CDH18: variants seen among roughly 807,000 people sequenced by gnomAD.
CDH18 encodes the protein cadherin 18.
In CDH18, 31 loss-of-function variants were observed where a neutral mutation model predicts 67.9. The ratio of observed to expected loss-of-function variants is 0.46; its 90% confidence interval spans 0.34 to 0.62. CDH18 has a LOEUF of 0.62. CDH18 is among the 20% of genes least tolerant of loss of function. The pLI, the probability that CDH18 is intolerant of heterozygous loss-of-function variation, is 0.01. For missense variants in CDH18, 890 were observed against 975.5 expected, an observed-to-expected ratio of 0.91 and a Z score of 1.17; for synonymous variants, 362 against 347.2, an observed-to-expected ratio of 1.04 and a Z score of -0.48.
At chr5:20,170,812 C>A (rs1736642413) in intron 2 of CDH18, among the ~76,000 whole-genome samples, 1 of 151,904 alleles carries the variant, frequency 6.6e-6, no homozygotes. Flanking sequence ...AGATACTAAG[C>A]CTTGTACCCA....
At chr5:19,514,372 C>G (rs1347496932) in intron 10 of CDH18, among the ~76,000 whole-genome samples, 2 of 152,064 alleles carry the variant, frequency 1.3e-5, no homozygotes, top group Non-Finnish European at 2.9e-5. Context: ...GTAATGGGAC[C>G]ACTGGGTCAA....
At chr5:19,695,236 T>C (rs1461040065) in intron 5 of CDH18, among the ~76,000 whole-genome samples, 2 of 152,358 alleles carry the variant, frequency 1.3e-5, no homozygotes, top group East Asian at 3.9e-4. Flanking sequence ...CTCATATTTT[T>C]TTCCACATTG....
chr5:20,295,872 C>CTTTTTTTTTT (rs35024141), intron 1 of CDH18, among the ~76,000 whole-genome samples: 70 of 109,974 alleles, frequency 6.4e-4, no homozygotes, highest in Middle Eastern at 6.9e-3. Context: ...TCTTTTTTTT[C>CTTTTTTTTTT]TTTTTTTTTT....
At chr5:20,368,561 T>A (rs1474208970) in intron 1 of CDH18, among the ~76,000 whole-genome samples, 2 of 152,178 alleles carry the variant, frequency 1.3e-5, no homozygotes, top group African/African-American at 4.8e-5. Flanking sequence ...GAGAGTGAAT[T>A]TATTTTAATG....
At chr5:19,914,602 C>T (rs1357242860) in intron 2 of CDH18, among the ~76,000 whole-genome samples, 3 of 151,892 alleles carry the variant, frequency 2.0e-5, no homozygotes, top group African/African-American at 7.3e-5. Context: ...CCACACACTA[C>T]TAAATTTTTG....
At chr5:19,643,239 T>C (rs1486712386) in intron 5 of CDH18, among the ~76,000 whole-genome samples, 2 of 152,088 alleles carry the variant, frequency 1.3e-5, no homozygotes, top group African/African-American at 4.8e-5. Context: ...TTGGTGGGAA[T>C]GTAAATTGGC....
At chr5:20,137,476 C>A (rs567561960) in intron 2 of CDH18, among the ~76,000 whole-genome samples, 1 of 152,122 alleles carries the variant, frequency 6.6e-6, no homozygotes, top group Non-Finnish European at 1.5e-5. Flanking sequence ...TCTAGTTAGC[C>A]ATTCATCTAA....
intron 1 of CDH18, among the ~76,000 whole-genome samples, chr5:20,276,361 T>C (rs530012142): frequency 3.9e-5 from 6 of 152,264 alleles, no homozygotes; most frequent in South Asian, 2.1e-4. Flanking sequence ...CATAGTTGGA[T>C]AGGGAACTGG....
chr5:20,112,801 A>T (rs1747591698), intron 2 of CDH18, among the ~76,000 whole-genome samples: 1 of 152,176 alleles, frequency 6.6e-6, no homozygotes. Flanking sequence ...TTACATCCAC[A>T]TTCATGCCTT....
At chr5:19,574,911 C>T (rs1441531866) in intron 7 of CDH18, among the ~76,000 whole-genome samples, 12 of 151,988 alleles carry the variant, frequency 7.9e-5, no homozygotes, top group African/African-American at 1.9e-4. Context: ...TGGTTGTGCA[C>T]GCCTGTAGTC....
At chr5:19,989,766 T>C (rs887860065), upstream of CDH18, among the ~76,000 whole-genome samples, 11 of 152,148 alleles carry the variant, frequency 7.2e-5, no homozygotes, top group Non-Finnish European at 8.8e-5. Context: ...TGTGGAAGGA[T>C]TTAATTTGAT....
intron 5 of CDH18, among the ~76,000 whole-genome samples, chr5:19,703,275 G>A (rs1303266854): frequency 2.6e-5 from 4 of 152,142 alleles, no homozygotes; most frequent in African/African-American, 9.7e-5. Flanking sequence ...TAAGCTGGAG[G>A]ACACCTGAGT....
chr5:20,504,872 G>T lies in CDH18; in HGVS notation c.-580+70590C>A, dbSNP rs1355881164. ...AGGCTCTGCCTCCCAGGTTCATGCC[G>T]TTCTCCTGCCTCAGCCTCCTGAGTA... On this transcript the variant is annotated intron_variant, in intron 1 of 14. Transcript: ENST00000507958. Among the ~76,000 whole-genome samples, 20 of 144,820 alleles carry T rather than the reference G, an allele frequency of 1.4e-4. 1 individual carries two copies. In the Admixed American group the frequency reaches 1.5e-3, roughly 11 times the overall value.
At chr5:20,191,658 C>T (rs898257761) in intron 2 of CDH18, among the ~76,000 whole-genome samples, 1 of 151,992 alleles carries the variant, frequency 6.6e-6, no homozygotes, top group Non-Finnish European at 1.5e-5. Context: ...TGGTTTCCTG[C>T]TTCATCCATG....
At chr5:20,071,347 C>A (rs1002529885) in intron 2 of CDH18, among the ~76,000 whole-genome samples, 1 of 151,874 alleles carries the variant, frequency 6.6e-6, no homozygotes, top group African/African-American at 2.4e-5. Flanking sequence ...TCCCCCCAAA[C>A]AAGGAAAAGA....
chr5:20,105,358 T>C (rs1746836606), intron 2 of CDH18, among the ~76,000 whole-genome samples: 1 of 152,086 alleles, frequency 6.6e-6, no homozygotes, highest in Non-Finnish European at 1.5e-5. Context: ...AAAGAAAAAC[T>C]TGAGAAAAAG....
rs1766091074 is a variant in CDH18 at position 19,721,462 on chromosome 5, G to A, written c.528C>T (p.Thr176=). Residue 176 remains threonine, a synonymous_variant, in exon 5 of 13, where the codon ACC becomes ACT. Transcript: ENST00000382275. ...CAGTAGCTGTCACCTGTAGAACAGA[G>A]GTACCTGTGCATTCAGGAAAACAAA... ...VTVPEMSDMG[T]SVLQVTATDA... 1 of 1,608,776 alleles carries A rather than the reference G, an allele frequency of 6.2e-7. No individual in the cohort carries two copies. The highest frequency in any genetic ancestry group is 8.5e-7 in the Non-Finnish European group (1 of 1,176,578).
At chr5:20,551,665 A>C (rs1757640520) in intron 1 of CDH18, among the ~76,000 whole-genome samples, 1 of 152,174 alleles carries the variant, frequency 6.6e-6, no homozygotes, top group Admixed American at 6.5e-5. Context: ...TTATAAGACT[A>C]GTTATTATTT....
chr5:20,483,239 C>A (rs58252865), intron 1 of CDH18, among the ~76,000 whole-genome samples: 3,487 of 151,874 alleles, frequency 0.023, 88 homozygotes, highest in African/African-American at 0.059. Flanking sequence ...AAAATAAAAA[C>A]TACAAAACAT....
Sources: gnomAD v4.1 joint callset for allele counts (sites outside exome capture counted in the v4.1 genomes callset) on GRCh38, gnomAD v4.1.1 for gene constraint, MANE v1.5 for transcripts, NCBI Gene and HGNC (gene_info 2026-07-23, HGNC 2026-07-21) for gene names.